EIF4ENIF1: variants seen among roughly 807,000 people sequenced by gnomAD.
The protein encoded by EIF4ENIF1 is eukaryotic translation initiation factor 4E transporter.
In EIF4ENIF1, 23 loss-of-function variants were observed where a neutral mutation model predicts 110.5. The observed-to-expected ratio is 0.21, with a 90% CI of 0.15 to 0.29. The LOEUF (loss-of-function observed/expected upper bound fraction) is 0.29. Ranked by LOEUF, EIF4ENIF1 falls within the 10% of genes least tolerant of loss-of-function variation. The probability of loss-of-function intolerance (pLI) is 1.00; values close to 1 mark genes in which losing one functional copy is unlikely to be tolerated. For missense variants in EIF4ENIF1, 1,031 were observed against 1,221.1 expected (o/e 0.84, Z 2.32); for synonymous variants, 440 against 437.0 (o/e 1.01, Z -0.09).
Position 31,463,641 on chromosome 22 carries a change from C to G in EIF4ENIF1, c.585+40G>C, listed in dbSNP as rs556370298. On this transcript the variant is annotated intron_variant, in intron 5 of 18. Transcript: ENST00000330125. The stretch of plus-strand genomic sequence containing the variant: ...AGCCTGGGCAACAAGAGCGAAACTC[C>G]GTCTCAATTTAAAAAAAAAAAAAAA... 3 of 1,486,256 alleles carry G rather than the reference C, an allele frequency of 2.0e-6. No individual in the cohort carries two copies. In the African/African-American group the frequency reaches 4.5e-5, roughly 22 times the overall value. The allele number at this position is 1,486,256 out of a possible 1,614,324, so 92.1% of individuals were successfully genotyped here.
At position 31,456,104 on chromosome 22, in the gene EIF4ENIF1, TA is replaced by T. The variant is rs1210124901; in HGVS notation, c.964-118del. The T allele has an allele frequency of 1.5e-4, 155 of 1,034,892 alleles. No individual in the cohort carries two copies. In the Middle Eastern group the frequency reaches 2.3e-3, roughly 15 times the overall value. The allele number at this position is 1,034,892 out of a possible 1,614,324, so 64.1% of individuals were successfully genotyped here. Reference sequence around the variant, plus strand: ...TCCTTTCATGCTCGTGACCTGAAGATAAATACTCTCAGAACCTAGGAATTTG... The same window carrying T: ...TCCTTTCATGCTCGTGACCTGAAGATAATACTCTCAGAACCTAGGAATTTG... On this transcript the variant is annotated intron_variant, in intron 7 of 18. Transcript: ENST00000330125.
intron 2 of EIF4ENIF1, among the ~76,000 whole-genome samples, chr22:31,478,446 A>ACAGAGGTTG (rs2051673152): frequency 6.7e-6 from 1 of 148,902 alleles, no homozygotes; most frequent in South Asian, 2.1e-4. Context: ...AACCCAGGAG[A>ACAGAGGTTG]CAGAGGTTGT....
At chr22:31,483,615 T>C (rs1337776212) in intron 2 of EIF4ENIF1, among the ~76,000 whole-genome samples, 6 of 152,112 alleles carry the variant, frequency 3.9e-5, no homozygotes, top group Non-Finnish European at 8.8e-5. Flanking sequence ...GTTTCTCCTT[T>C]AATACCACTG....
intron 16 of EIF4ENIF1, 114 bp downstream of exon 16, chr22:31,442,848 A>G: frequency 7.4e-7 from 1 of 1,343,250 alleles, no homozygotes; most frequent in Non-Finnish European, 1.0e-6. Flanking sequence ...AGTCCAGAGA[A>G]GCTAGTGGTC....
At chr22:31,446,821 C>G in intron 14 of EIF4ENIF1, 1 of 290,198 alleles carries the variant, frequency 3.4e-6, no homozygotes. Flanking sequence ...AATATTGCCA[C>G]TCCTTTCCCT....
chr22:31,485,614 T>C (rs1005801946), intron 2 of EIF4ENIF1, among the ~76,000 whole-genome samples: 1 of 151,942 alleles, frequency 6.6e-6, no homozygotes, highest in African/African-American at 2.4e-5. Context: ...GTGGATCACC[T>C]GAGGTCAGGA....
intron 3 of EIF4ENIF1, among the ~76,000 whole-genome samples, chr22:31,471,355 C>T (rs2051371354): frequency 6.6e-6 from 1 of 151,414 alleles, no homozygotes; most frequent in Non-Finnish European, 1.5e-5. Context: ...CGCACTGTCG[C>T]CCAGGCTGGA....
At chr22:31,436,982 G>C (rs2050180259), downstream of EIF4ENIF1, 1 of 152,194 alleles carries the variant, frequency 6.6e-6, no homozygotes, top group Non-Finnish European at 1.5e-5. Context: ...TTCTTGGTTT[G>C]TGTTTATGCT....
At chr22:31,489,383 G>A (rs1163980241) in intron 1 of EIF4ENIF1, 3 of 151,966 alleles carry the variant, frequency 2.0e-5, no homozygotes, top group African/African-American at 4.8e-5. Flanking sequence ...GGCGGAGACC[G>A]TACTCACTGA....
In EIF4ENIF1 at chr22:31,442,110, G is replaced by A; in HGVS notation, c.2215C>T (p.Leu739=). 1 of 1,601,390 alleles carries A rather than the reference G, an allele frequency of 6.2e-7. No homozygotes were observed. The change falls in exon 17 of 19, where the codon CTG becomes TTG. Residue 739 remains leucine (L), a synonymous_variant. Coordinates refer to ENST00000330125, the MANE Select transcript of EIF4ENIF1 (RefSeq NM_019843.4). ...GCACTGGGTACAGAGCTGGATGACA[G>A]GAGGTTTTCTGTGAGGAACCAAACA... ...DTQKASEENL[L]SSSSVPSADR... is the part of the protein sequence containing the mutation.
Position 31,444,745 on chromosome 22 carries a change from A to T in EIF4ENIF1, c.1989-55T>A, listed in dbSNP as rs545351687. On this transcript the variant is annotated intron_variant, in intron 14 of 18. Transcript: ENST00000330125. Reference sequence around the variant, plus strand: ...CCCAATCTGCTTAACTTCAAGTCTTAAAACCATATAATACTCAAGACCAGC... The same window carrying T: ...CCCAATCTGCTTAACTTCAAGTCTTTAAACCATATAATACTCAAGACCAGC... The T allele has an allele frequency of 3.3e-6, 5 of 1,530,978 alleles. No homozygotes were observed. In the Admixed American group the frequency reaches 8.4e-5, roughly 26 times the overall value. 94.8% of individuals were successfully genotyped at this position (1,530,978 alleles called of 1,614,324 possible).
intron 6 of EIF4ENIF1, among the ~76,000 whole-genome samples, 179 bp downstream of exon 6, chr22:31,462,753 T>A (rs190974319): frequency 1.3e-5 from 2 of 152,174 alleles, no homozygotes; most frequent in East Asian, 3.9e-4. Context: ...CCCACTAATT[T>A]TTGAATTTTT....
chr22:31,453,340 T>C (rs1313156509), intron 10 of EIF4ENIF1: 2 of 382,916 alleles, frequency 5.2e-6, no homozygotes, highest in Non-Finnish European at 1.0e-5. Context: ...CATTAGTAAA[T>C]TGACAGAATG....
rs1311813568 is a variant in EIF4ENIF1 at position 31,439,466 on chromosome 22, T to C, written c.*414A>G. On this transcript the variant is annotated 3_prime_UTR_variant, in exon 19 of 19. Transcript: ENST00000330125. ...AAACTGTTGACACAGGCCTAACTAA[T>C]ATCAGCTACTTTTATGTACAGCTGT... The C allele has an allele frequency of 6.2e-6, 1 of 162,154 alleles. No homozygotes were observed. Among genetic ancestry groups the C allele is most frequent in the Non-Finnish European group, 1.4e-5 (1 of 73,790 alleles). 10.0% of individuals were successfully genotyped at this position (162,154 alleles called of 1,614,324 possible).
At chr22:31,450,708 GATTT>G (rs1458953598) in intron 10 of EIF4ENIF1, 1 of 279,584 alleles carries the variant, frequency 3.6e-6, no homozygotes, top group Non-Finnish European at 6.7e-6. Flanking sequence ...CCTTTAACAA[GATTT>G]ATTGGAGACA....
chr22:31,447,361 A>C (rs1017378666), intron 14 of EIF4ENIF1, 65 bp downstream of exon 14: 8 of 1,589,168 alleles, frequency 5.0e-6, no homozygotes, highest in African/African-American at 1.4e-5. Context: ...ACTGCAGATA[A>C]GTAATTTATT....
Position 31,471,828 on chromosome 22 carries a change from A to C in EIF4ENIF1, c.170+16T>G, listed in dbSNP as rs765854728. On this transcript the variant is annotated intron_variant, in intron 3 of 18. Coordinates refer to ENST00000330125, the MANE Select transcript of EIF4ENIF1 (RefSeq NM_019843.4). ...TATTGACTAGAAGTAGTTAAGGACT[A>C]GAATGACACACATACCTGTCATATT... The C allele has an allele frequency of 1.1e-5, 17 of 1,590,408 alleles. No homozygotes were observed. The highest frequency in any genetic ancestry group is 1.5e-5 in the Non-Finnish European group (17 of 1,171,798).
At chr22:31,488,569 T>C (rs2052132152) in intron 2 of EIF4ENIF1, 54 bp downstream of exon 2, 2 of 1,609,948 alleles carry the variant, frequency 1.2e-6, no homozygotes, top group Admixed American at 3.4e-5. Flanking sequence ...TTATACAATG[T>C]TACTAACTTC....
chr22:31,454,013 A>G (rs967884734), intron 10 of EIF4ENIF1, 131 bp downstream of exon 10: 2 of 758,626 alleles, frequency 2.6e-6, no homozygotes, highest in Non-Finnish European at 4.3e-6. Context: ...ACACAAAAGC[A>G]TCAAGGACCA....
Sources: gnomAD v4.1 joint callset for allele counts (sites outside exome capture counted in the v4.1 genomes callset) on GRCh38, gnomAD v4.1.1 for gene constraint, MANE v1.5 for transcripts, NCBI Gene and HGNC (gene_info 2026-07-23, HGNC 2026-07-21) for gene names.